Variants in UPF2 observed in about 807,000 individuals in gnomAD.
The protein encoded by UPF2 is regulator of nonsense transcripts 2.
A neutral mutation model predicts 141.4 loss-of-function variants in UPF2; 17 were observed. That is an observed-to-expected ratio of 0.12 (90% CI 0.08 to 0.18). The LOEUF (loss-of-function observed/expected upper bound fraction) is 0.18, where lower values mean the gene tolerates loss of function less well. UPF2 is among the 10% of genes least tolerant of loss of function. The pLI is 1.00. For missense variants in UPF2, 1,152 were observed against 1,515.9 expected (o/e 0.76, Z 3.99); for synonymous variants, 540 against 498.0 (o/e 1.08, Z -1.12).
rs1040340499 is a variant in UPF2 at position 11,980,331 on chromosome 10, G to C, written c.1845-1166C>G. On this transcript the variant is annotated intron_variant, in intron 8 of 21. Coordinates refer to ENST00000357604, the MANE Select transcript of UPF2 (RefSeq NM_015542.4). The surrounding 1 kb of genome is among the most constrained non-coding windows in gnomAD (Gnocchi z 4.2). ...GATAAAAGCAGCTTAACTGACAGCA[G>C]CAAATAATGGAGCTGACAGTGAGAG... Among the ~76,000 whole-genome samples, 1 of 152,214 alleles carries C rather than the reference G, an allele frequency of 6.6e-6. No homozygotes were observed. Among genetic ancestry groups the C allele is most frequent in the Non-Finnish European group, 1.5e-5 (1 of 68,042 alleles).
chr10:12,025,854 G>C (rs1834410553), intron 3 of UPF2, among the ~76,000 whole-genome samples: 1 of 152,172 alleles, frequency 6.6e-6, no homozygotes, highest in Admixed American at 6.5e-5. Context: ...GAGTGCAGTG[G>C]TGCGATCATG....
Position 11,931,367 on chromosome 10 carries a change from C to CT in UPF2, c.3688+273_3688+274insA. 6.6e-6 allele frequency among the ~76,000 whole-genome samples: 1 copy of CT among 152,338 alleles called. No individual in the cohort carries two copies. Among genetic ancestry groups the CT allele is most frequent in the East Asian group, 1.9e-4 (1 of 5,190 alleles). ...ACTGTTTGTTAAATGAATCTGCACACAACTGGCTGGCAATGTGAAGCAATT... is the reference window on the plus strand; with the variant it reads ...ACTGTTTGTTAAATGAATCTGCACACTAACTGGCTGGCAATGTGAAGCAATT... On this transcript the variant is annotated intron_variant, in intron 20 of 21. Coordinates refer to ENST00000357604, the MANE Select transcript of UPF2 (RefSeq NM_015542.4). The surrounding 1 kb of genome is among the most constrained non-coding windows in gnomAD (Gnocchi z 5.9).
At chr10:11,973,788 C>T (rs1833459058) in intron 9 of UPF2, among the ~76,000 whole-genome samples, 1 of 152,110 alleles carries the variant, frequency 6.6e-6, no homozygotes, top group South Asian at 2.1e-4. Context: ...GTTACTGTAG[C>T]CTTGTAGTAT....
At chr10:11,926,777 G>T (rs929319924) in intron 21 of UPF2, among the ~76,000 whole-genome samples, 1 of 152,220 alleles carries the variant, frequency 6.6e-6, no homozygotes, top group East Asian at 1.9e-4. Context: ...ACTTGGCAGG[G>T]GTAAGCCACC....
intron 21 of UPF2, among the ~76,000 whole-genome samples, chr10:11,924,969 C>T (rs1832693396): frequency 6.6e-6 from 1 of 152,082 alleles, no homozygotes; most frequent in Non-Finnish European, 1.5e-5. Context: ...TAGGTGCCCG[C>T]CACCATGACC....
chr10:11,979,836 T>C lies in UPF2; in HGVS notation c.1845-671A>G, dbSNP rs544824795. ...AGGAGAATTGCTTGAACCCAGGAGG[T>C]AGAAGTTGCAGTGAGCCCAGATCAC... is the stretch of plus-strand genomic sequence containing the variant. On this transcript the variant is annotated intron_variant, in intron 8 of 21. Coordinates refer to ENST00000357604, the MANE Select transcript of UPF2 (RefSeq NM_015542.4). The surrounding 1 kb of genome is among the most constrained non-coding windows in gnomAD (Gnocchi z 6.2). Among the ~76,000 whole-genome samples, 3 of 151,974 alleles carry C rather than the reference T, an allele frequency of 2.0e-5. No homozygotes were observed. In the South Asian group the frequency reaches 6.2e-4, roughly 32 times the overall value.
chr10:11,929,768 C>T (rs1282812367), intron 21 of UPF2, 97 bp downstream of exon 21: 19 of 1,490,866 alleles, frequency 1.3e-5, no homozygotes, highest in Middle Eastern at 1.9e-4. Context: ...TGCTAAAAAT[C>T]GGGCCTTTGC....
chr10:12,001,876 T>G, intron 5 of UPF2, 51 bp from the exon 6 acceptor site: 1 of 1,495,342 alleles, frequency 6.7e-7, no homozygotes, highest in Non-Finnish European at 8.9e-7. Flanking sequence ...ATGAAAATCC[T>G]GCTGCACAAA....
Position 11,931,744 on chromosome 10 carries a change from A to G in UPF2, c.3585T>C (p.Ala1195=). ...ILNVPMSSQL[A]ANHWNQQQAE... ...CCTGTTGCTGGTTCCAGTGATTTGC[A>G]GCAAGTTGAGAGGACATGGGTACAT... The change falls in exon 20 of 22, where the codon GCT becomes GCC. Residue 1195 remains alanine (A), a synonymous_variant. Coordinates refer to ENST00000357604, the MANE Select transcript of UPF2 (RefSeq NM_015542.4). The surrounding 1 kb of genome is among the most constrained non-coding windows in gnomAD (Gnocchi z 5.9). The G allele has an allele frequency of 1.2e-6, 2 of 1,613,520 alleles. No individual in the cohort carries two copies. The highest frequency in any genetic ancestry group is 1.7e-6 in the Non-Finnish European group (2 of 1,179,936).
intron 1 of UPF2, among the ~76,000 whole-genome samples, chr10:12,036,267 G>A (rs75365246): frequency 0.052 from 7,960 of 152,272 alleles, 284 homozygotes; most frequent in Non-Finnish European, 0.08. Flanking sequence ...TGCCTGCTAT[G>A]CAGTGCATAC....
At position 12,024,690 on chromosome 10, in the gene UPF2, T is replaced by C. The variant is rs377257385; in HGVS notation, c.1145+4055A>G. Among the ~76,000 whole-genome samples, 4 of 152,106 alleles carry C rather than the reference T, an allele frequency of 2.6e-5. No individual in the cohort carries two copies. The South Asian group carries it at 8.3e-4, about 32-fold the overall frequency. ...GCTCACACCTATAATCCCAACACTT[T>C]GGGAGGCCAAGGCAGGAGGATCGCT... On this transcript the variant is annotated intron_variant, in intron 3 of 21. Coordinates refer to ENST00000357604, the MANE Select transcript of UPF2 (RefSeq NM_015542.4).
rs780037236 is a variant in UPF2, at chr10:11,955,493, T to C, written c.2589A>G (p.Lys863=). The C allele has an allele frequency of 1.2e-6, 2 of 1,611,176 alleles. No individual in the cohort carries two copies. Among genetic ancestry groups the C allele is most frequent in the South Asian group, 1.1e-5 (1 of 90,672 alleles). The change falls in exon 14 of 22, where the codon AAA becomes AAG. Residue 863 remains lysine, a synonymous_variant. Transcript: ENST00000357604. ...CACTGCTGATGCGCCTCTGATTAAA[T>C]TTAGGTTGATTAACCTAAAAGGCAA... ...IRLGMEVNQP[K]FNQRRISSAK...
At chr10:12,034,983 T>C (rs1279109856) in intron 2 of UPF2, 76 bp downstream of exon 2, 1 of 1,503,654 alleles carries the variant, frequency 6.7e-7, no homozygotes, top group Non-Finnish European at 8.8e-7. Context: ...ACGCTATATT[T>C]CAAATAATGT....
chr10:11,973,139 G>C (rs1833448808), intron 9 of UPF2, among the ~76,000 whole-genome samples: 1 of 152,188 alleles, frequency 6.6e-6, no homozygotes, highest in Non-Finnish European at 1.5e-5. Context: ...GGCCAGTGAT[G>C]ATGAGCATTT....
At chr10:12,012,796 C>CTAA (rs1834153830) in intron 4 of UPF2, among the ~76,000 whole-genome samples, 1 of 63,688 alleles carries the variant, frequency 1.6e-5, no homozygotes, top group Non-Finnish European at 3.3e-5. Flanking sequence ...AAGACTCCGC[C>CTAA]AAAAAAAAAA....
intron 15 of UPF2, among the ~76,000 whole-genome samples, chr10:11,951,733 A>G (rs919626825): frequency 1.3e-5 from 2 of 152,232 alleles, no homozygotes; most frequent in African/African-American, 4.8e-5. Flanking sequence ...CGCAAAAATA[A>G]GAAATGCTTT....
intron 1 of UPF2, among the ~76,000 whole-genome samples, chr10:12,037,699 CG>C (rs1194141852): frequency 2.6e-5 from 4 of 151,648 alleles, no homozygotes; most frequent in Non-Finnish European, 5.9e-5. Flanking sequence ...GCCAGCCCTT[CG>C]TTTTTTTTTA....
At chr10:12,025,453 AG>A (rs1588576791) in intron 3 of UPF2, among the ~76,000 whole-genome samples, 1 of 152,120 alleles carries the variant, frequency 6.6e-6, no homozygotes, top group African/African-American at 2.4e-5. Context: ...TGGGAAGCTG[AG>A]GTAGGAGAAT....
At chr10:12,040,023 A>C (rs73575347) in intron 1 of UPF2, among the ~76,000 whole-genome samples, 7,255 of 152,328 alleles carry the variant, frequency 0.048, 213 homozygotes, top group Non-Finnish European at 0.069. Flanking sequence ...ATCATTTATT[A>C]GTTCAACAAA....
Sources: gnomAD v4.1 joint callset for allele counts (sites outside exome capture counted in the v4.1 genomes callset) on GRCh38, gnomAD v4.1.1 for gene constraint, Gnocchi (gnomAD v3.1) non-coding constraint, MANE v1.5 for transcripts, NCBI Gene and HGNC (gene_info 2026-07-23, HGNC 2026-07-21) for gene names.